The following EPAS1 variants were observed in gnomAD, a reference collection of about 807,000 sequenced individuals.
EPAS1 encodes the protein endothelial PAS domain protein 1.
Under a neutral mutation model 87.9 loss-of-function variants are expected in EPAS1, and 23 were observed. The ratio of observed to expected loss-of-function variants is 0.26; its 90% confidence interval spans 0.19 to 0.37. The LOEUF (loss-of-function observed/expected upper bound fraction) is 0.37. Ranked by LOEUF, EPAS1 falls within the 10% of genes least tolerant of loss-of-function variation. The probability of loss-of-function intolerance (pLI) is 1.00; values close to 1 mark genes in which losing one functional copy is unlikely to be tolerated. For missense variants in EPAS1, 1,138 were observed against 1,120.7 expected, an observed-to-expected ratio of 1.02 and a Z score of -0.22; for synonymous variants, 508 against 444.3, an observed-to-expected ratio of 1.14 and a Z score of -1.80.
chr2:46,379,368 A>G (rs544291912), intron 11 of EPAS1, among the ~76,000 whole-genome samples: 5 of 152,136 alleles, frequency 3.3e-5, no homozygotes, highest in Admixed American at 1.3e-4. Flanking sequence ...CTTGAGTTCA[A>G]CCAGATTTCT....
At position 46,360,971 on chromosome 2, in the gene EPAS1, C is replaced by T. The variant is rs750486658; in HGVS notation, c.660C>T (p.Ser220=). ...SLCGYKEPLL[S]CLIIMCEPIQ... ...GTGGCTACAAGGAGCCCCTGCTGTC[C>T]TGCCTCATCATCATGTGTGAACCAA... Residue 220 remains serine (S), a synonymous_variant, in exon 6 of 16, where the codon TCC becomes TCT. Coordinates refer to ENST00000263734, the MANE Select transcript of EPAS1 (RefSeq NM_001430.5). This position sits in a 1 kb window ranked among gnomAD's most constrained non-coding sequence, Gnocchi z 4.5. The T allele has an allele frequency of 1.2e-6, 2 of 1,614,198 alleles. No individual in the cohort carries two copies. Among genetic ancestry groups the T allele is most frequent in the African/African-American group, 1.3e-5 (1 of 75,050 alleles).
chr2:46,339,388 C>T (rs1683861429), intron 1 of EPAS1, among the ~76,000 whole-genome samples: 2 of 152,204 alleles, frequency 1.3e-5, no homozygotes, highest in African/African-American at 4.8e-5. Flanking sequence ...GCCACATGGC[C>T]AGTGCTGCTT....
chr2:46,327,189 G>T (rs1006271619), intron 1 of EPAS1, among the ~76,000 whole-genome samples: 1 of 152,116 alleles, frequency 6.6e-6, no homozygotes, highest in Non-Finnish European at 1.5e-5. Flanking sequence ...CTAAAGTGCC[G>T]TGATTTCATG....
At chr2:46,333,564 C>A (rs1683729777) in intron 1 of EPAS1, among the ~76,000 whole-genome samples, 1 of 151,940 alleles carries the variant, frequency 6.6e-6, no homozygotes, top group African/African-American at 2.4e-5. Context: ...CAACTGGGGA[C>A]ATGGCTGGGC....
chr2:46,310,035 G>T (rs1683180801), intron 1 of EPAS1, among the ~76,000 whole-genome samples: 1 of 152,218 alleles, frequency 6.6e-6, no homozygotes, highest in South Asian at 2.1e-4. Flanking sequence ...AATCAGGCAT[G>T]TGTGAATGTG....
At chr2:46,340,182 T>A (rs1202617412) in intron 1 of EPAS1, among the ~76,000 whole-genome samples, 1 of 152,032 alleles carries the variant, frequency 6.6e-6, no homozygotes, top group Non-Finnish European at 1.5e-5. Context: ...TGCTTAGTAA[T>A]CGAATCTGCT....
intron 1 of EPAS1, among the ~76,000 whole-genome samples, chr2:46,327,041 C>A (rs924913687): frequency 6.6e-6 from 1 of 152,144 alleles, no homozygotes; most frequent in Non-Finnish European, 1.5e-5. Flanking sequence ...GTTTACTGCC[C>A]ATAAACATTG....
chr2:46,370,083 T>C (rs895784577), intron 7 of EPAS1, 150 bp downstream of exon 7: 10 of 722,258 alleles, frequency 1.4e-5, no homozygotes, highest in African/African-American at 5.3e-5. Context: ...TCAAGATGGT[T>C]AGAAAACCAA....
intron 1 of EPAS1, among the ~76,000 whole-genome samples, chr2:46,328,174 A>G (rs974033212): frequency 2.6e-5 from 4 of 152,204 alleles, no homozygotes; most frequent in Admixed American, 6.5e-5. Flanking sequence ...AAGTGCCAAA[A>G]GAGTGGTGTA....
chr2:46,366,621 T>C (rs1000616835), intron 6 of EPAS1, among the ~76,000 whole-genome samples: 8 of 152,212 alleles, frequency 5.3e-5, no homozygotes, highest in African/African-American at 1.9e-4. Context: ...ATTTCTCTCT[T>C]CTCTTAGAAC....
chr2:46,353,935 C>G (rs6735812), intron 2 of EPAS1, among the ~76,000 whole-genome samples: 91,808 of 152,166 alleles, frequency 0.6, 28,616 homozygotes, highest in East Asian at 0.88. Context: ...GGCTCTGAAG[C>G]CTTGCCCATC....
chr2:46,315,729 A>G (rs1267284962), intron 1 of EPAS1, among the ~76,000 whole-genome samples: 1 of 152,194 alleles, frequency 6.6e-6, no homozygotes, highest in East Asian at 1.9e-4. Flanking sequence ...CAGGATGTAG[A>G]GGGAGGGCAG....
intron 1 of EPAS1, among the ~76,000 whole-genome samples, chr2:46,309,206 C>A (rs1214868359): frequency 6.6e-6 from 1 of 152,224 alleles, no homozygotes; most frequent in African/African-American, 2.4e-5. Context: ...CATTGCTTAT[C>A]CACCATGCGT....
intron 1 of EPAS1, among the ~76,000 whole-genome samples, chr2:46,304,423 A>T (rs956275749): frequency 6.6e-6 from 1 of 152,152 alleles, no homozygotes; most frequent in African/African-American, 2.4e-5. Context: ...CTTACTGAAG[A>T]TATCTATAAA....
chr2:46,352,830 C>G (rs144020879), intron 2 of EPAS1, among the ~76,000 whole-genome samples: 2 of 152,230 alleles, frequency 1.3e-5, no homozygotes, highest in South Asian at 2.1e-4. Flanking sequence ...TGTTACCCTT[C>G]GTGGCCCTAG....
intron 2 of EPAS1, among the ~76,000 whole-genome samples, chr2:46,352,659 G>C (rs1053147478): frequency 6.6e-6 from 1 of 152,290 alleles, no homozygotes; most frequent in Admixed American, 6.5e-5. Flanking sequence ...ACCTGGCCAG[G>C]TTCCTTCAGA....
Position 46,377,950 on chromosome 2 carries a change from C to A in EPAS1, c.1306C>A (p.Gln436Lys). Residue 436 changes from glutamine (Q) to lysine (K), a missense_variant, in exon 10 of 16, where the codon CAG becomes AAG. Gln to Lys is a moderately conservative substitution (Grantham distance 53, BLOSUM62 1). Transcript: ENST00000263734. ...TGGCAAGGCCATCCTGCCCCCGAGC[C>A]AGCCATGGGCCACGGAGTTGAGGAG... is the stretch of plus-strand genomic sequence containing the variant. ...AYGKAILPPSQPWATELRSHS... is the reference protein window; with the variant it reads ...AYGKAILPPSKPWATELRSHS... 1 of 1,560,878 alleles carries A rather than the reference C, an allele frequency of 6.4e-7. No individual in the cohort carries two copies. The highest frequency in any genetic ancestry group is 8.7e-7 in the Non-Finnish European group (1 of 1,152,012).
chr2:46,356,648 AG>A, intron 3 of EPAS1, 75 bp from the exon 4 acceptor site: 1 of 1,164,538 alleles, frequency 8.6e-7, no homozygotes, highest in African/African-American at 1.5e-5. Context: ...CAAATCTGGA[AG>A]GTGGCTCAGC....
chr2:46,322,932 T>G (rs1482455055), intron 1 of EPAS1, among the ~76,000 whole-genome samples: 1 of 152,242 alleles, frequency 6.6e-6, no homozygotes, highest in Non-Finnish European at 1.5e-5. Flanking sequence ...CAGTGGGAGC[T>G]GAAGTTTGCA....
Sources: gnomAD v4.1 joint callset for allele counts (sites outside exome capture counted in the v4.1 genomes callset) on GRCh38, gnomAD v4.1.1 for gene constraint, Gnocchi (gnomAD v3.1) non-coding constraint, MANE v1.5 for transcripts, NCBI Gene and HGNC (gene_info 2026-07-23, HGNC 2026-07-21) for gene names.